The following SPATA2L variants were observed in gnomAD, a reference collection of about 807,000 sequenced individuals.
The protein encoded by SPATA2L is spermatogenesis associated 2 like.
A neutral mutation model predicts 8.7 loss-of-function variants in SPATA2L; 5 were observed. The observed-to-expected ratio is 0.57, with a 90% CI of 0.30 to 1.21. The LOEUF (loss-of-function observed/expected upper bound fraction) is 1.21, where lower values mean the gene tolerates loss of function less well. SPATA2L is among the 50% of genes most tolerant of loss of function. SPATA2L has a pLI of 0.07. For missense variants in SPATA2L, 671 were observed against 591.0 expected (o/e 1.14, Z -1.40); for synonymous variants, 358 against 275.8 (o/e 1.30, Z -2.95).
chr16:89,701,187 G>A lies in SPATA2L; in HGVS notation c.46C>T (p.Arg16Cys), dbSNP rs1273616157. Residue 16 changes from arginine (R) to cysteine (C), a missense_variant, in exon 2 of 3, where the codon CGC becomes TGC. Coordinates refer to ENST00000289805, the MANE Select transcript of SPATA2L (RefSeq NM_152339.4). ...CCCGCGCGGCCCCGTCGCAGCTCGC[G>A]CTCCAGGCACTGGCGGTAGTCCTCG... is the stretch of plus-strand genomic sequence containing the variant. ...LSEDYRQCLE[R>C]ELRRGRAGVC... 5 of 1,481,346 alleles carry A rather than the reference G, an allele frequency of 3.4e-6. No individual in the cohort carries two copies. The highest frequency in any genetic ancestry group is 4.5e-6 in the Non-Finnish European group (5 of 1,118,708). The allele number at this position is 1,481,346 out of a possible 1,614,324, so 91.8% of individuals were successfully genotyped here. A position where few individuals can be genotyped will look rare whatever the true frequency, so the allele number is the denominator to read the frequency against.
intron 2 of SPATA2L, among the ~76,000 whole-genome samples, chr16:89,698,673 G>C (rs762951368): frequency 2.0e-5 from 3 of 151,470 alleles, no homozygotes; most frequent in African/African-American, 7.3e-5. Context: ...TTTTAGTAGA[G>C]ACAGGGTTTC....
chr16:89,700,816 G>T, intron 2 of SPATA2L, 114 bp downstream of exon 2: 7 of 1,183,476 alleles, frequency 5.9e-6, no homozygotes, highest in Non-Finnish European at 6.7e-6. Context: ...AGCCCACCAG[G>T]CACTGAGGAC....
In SPATA2L at chr16:89,700,908, C is replaced by T. The variant is rs760890726; in HGVS notation, c.303+22G>A. The T allele has an allele frequency of 3.5e-6, 5 of 1,420,274 alleles. No individual in the cohort carries two copies. The South Asian group carries it at 7.7e-5, about 22-fold the overall frequency. 88.0% of individuals were successfully genotyped at this position (1,420,274 alleles called of 1,614,324 possible). On this transcript the variant is annotated intron_variant, in intron 2 of 2. Transcript: ENST00000289805. ...CCCGCAGGCCAGGACGAGGGGCGCG[C>T]TCCTCCTGGCCTGGCGCCTACCTTG...
Position 89,696,642 on chromosome 16 carries a change from T to C in SPATA2L, c.*692A>G. On this transcript the variant is annotated 3_prime_UTR_variant, in exon 3 of 3. Coordinates refer to ENST00000289805, the MANE Select transcript of SPATA2L (RefSeq NM_152339.4). ...CCAAGACCCCGCCGCCTGGGCGGGCTGTCCACAGGCCCTTCCGCCCAGCAG... is the reference window on the plus strand; with the variant it reads ...CCAAGACCCCGCCGCCTGGGCGGGCCGTCCACAGGCCCTTCCGCCCAGCAG... 1.3e-6 allele frequency: 1 copy of C among 795,646 alleles called. No homozygotes were observed. Among genetic ancestry groups the C allele is most frequent in the South Asian group, 2.1e-5 (1 of 48,180 alleles). The allele number at this position is 795,646 out of a possible 1,614,324, so 49.3% of individuals were successfully genotyped here.
intron 2 of SPATA2L, 67 bp from the exon 3 acceptor site, chr16:89,698,372 G>T: frequency 6.7e-7 from 1 of 1,486,160 alleles, no homozygotes; most frequent in South Asian, 1.5e-5. Context: ...GGTACAGTGG[G>T]TCCGGGATCT....
In SPATA2L at chr16:89,697,849, G is replaced by C; in HGVS notation, c.760C>G (p.Pro254Ala). 2 of 1,610,228 alleles carry C rather than the reference G, an allele frequency of 1.2e-6. No homozygotes were observed. The highest frequency in any genetic ancestry group is 8.5e-7 in the Non-Finnish European group (1 of 1,179,198). ...GGTGGCCTGTAGGCCAGCTCCGCCG[G>C]GGGCGAGTCAGGGCCTGGTGACGGC... ...GEPSPGPDSPPAELAYRPPLW... is the reference protein window; with the variant it reads ...GEPSPGPDSPAAELAYRPPLW... Residue 254 changes from proline (P) to alanine (A), a missense_variant, in exon 3 of 3, where the codon CCG (proline) becomes GCG (alanine). Physicochemically the swap from Pro to Ala is conservative, Grantham distance 27. Coordinates refer to ENST00000289805, the MANE Select transcript of SPATA2L (RefSeq NM_152339.4).
In SPATA2L at chr16:89,697,817, C is replaced by A; in HGVS notation, c.792G>T (p.Trp264Cys). The A allele has an allele frequency of 6.2e-7, 1 of 1,604,098 alleles. No individual in the cohort carries two copies. The highest frequency in any genetic ancestry group is 8.5e-7 in the Non-Finnish European group (1 of 1,176,446). ...PAELAYRPPL[W>C]EQSAKLWGTG... is the part of the protein sequence containing the mutation. ...TGCCCCACAGTTTGGCACTCTGCTC[C>A]CAGAGTGGTGGCCTGTAGGCCAGCT... The change falls in exon 3 of 3, where the codon TGG becomes TGT. Residue 264 changes from tryptophan to cysteine, a missense_variant. Transcript: ENST00000289805.
rs780528456 is a variant in SPATA2L, at chr16:89,698,041, C to T, written c.568G>A (p.Gly190Arg). ...CAGGCCACACAGGAGGCCACGTCCC[C>T]GCTGGCACGCCGTGCCTGCAGCAGC... Reference protein sequence around the residue: ...EELLQARRASGDVASCVAWLQ... With the variant: ...EELLQARRASRDVASCVAWLQ... Residue 190 changes from glycine (G) to arginine (R), a missense_variant, in exon 3 of 3, where the codon GGG becomes AGG. Physicochemically the swap from Gly to Arg is moderately radical, Grantham distance 125 (BLOSUM62 -2). Transcript: ENST00000289805. The T allele has an allele frequency of 7.5e-6, 12 of 1,597,418 alleles. No individual in the cohort carries two copies. Among genetic ancestry groups the T allele is most frequent in the East Asian group, 6.7e-5 (3 of 44,638 alleles).
At chr16:89,700,736 C>A (rs2060770410) in intron 2 of SPATA2L, among the ~76,000 whole-genome samples, 194 bp downstream of exon 2, 1 of 152,192 alleles carries the variant, frequency 6.6e-6, no homozygotes, top group Non-Finnish European at 1.5e-5. Context: ...CCTCGCCCAC[C>A]CCATGTTCTC....
rs200544857 is a variant in SPATA2L at position 89,697,383 on chromosome 16, C to T, written c.1226G>A (p.Arg409His). The T allele has an allele frequency of 5.0e-6, 8 of 1,586,124 alleles. No homozygotes were observed. Among genetic ancestry groups the T allele is most frequent in the South Asian group, 1.1e-5 (1 of 87,334 alleles). ...GTAGAGCAGAGTGTCCATCTGTGCA[C>T]GCTGTAGCCACAAGCGCCGCTGGGC... ...GDAQRRLWLQ[R>H]AQMDTLLYNS... Residue 409 changes from arginine (R) to histidine (H), a missense_variant, in exon 3 of 3, where the codon CGT becomes CAT. Arg to His is a conservative substitution (Grantham distance 29, BLOSUM62 0). Transcript: ENST00000289805.
At chr16:89,699,565 T>G (rs1296063244) in intron 2 of SPATA2L, among the ~76,000 whole-genome samples, 2 of 151,742 alleles carry the variant, frequency 1.3e-5, no homozygotes, top group East Asian at 3.9e-4. Context: ...TTTTTTTTTT[T>G]TTTTGAGACG....
chr16:89,697,540 C>G lies in SPATA2L; in HGVS notation c.1069G>C (p.Ala357Pro). The G allele has an allele frequency of 1.3e-6, 2 of 1,591,726 alleles. No individual in the cohort carries two copies. Among genetic ancestry groups the G allele is most frequent in the Non-Finnish European group, 1.7e-6 (2 of 1,169,868 alleles). The change falls in exon 3 of 3, where the codon GCA (alanine) becomes CCA (proline). Residue 357 changes from alanine (A) to proline (P), a missense_variant. Ala to Pro is a conservative substitution (Grantham distance 27). Transcript: ENST00000289805. ...GCGCCAGGGGACAGGCAGCTGTGTG[C>G]CTGGTAGCCTGGGGGCTCCGAGACA... Reference protein sequence around the residue: ...RSVSEPPGYQAHSCLSPGALP... With the variant: ...RSVSEPPGYQPHSCLSPGALP...
chr16:89,700,932 T>G lies in SPATA2L; in HGVS notation c.301A>C (p.Lys101Gln), dbSNP rs1214087427. 5.5e-6 allele frequency: 8 copies of G among 1,466,656 alleles called. No homozygotes were observed. Among genetic ancestry groups the G allele is most frequent in the Non-Finnish European group, 7.2e-6 (8 of 1,105,456 alleles). The allele number at this position is 1,466,656 out of a possible 1,614,324, so 90.9% of individuals were successfully genotyped here. A position where few individuals can be genotyped will look rare whatever the true frequency, so the allele number is the denominator to read the frequency against. ...GCTCCTCCTGGCCTGGCGCCTACCT[T>G]GATGGTGGTGAACTCCTTCCTCCAG... Reference protein sequence around the residue: ...LPWRKEFTTIKTFSGGYVHVL... With the variant: ...LPWRKEFTTIQTFSGGYVHVL... Residue 101 changes from lysine (K) to glutamine (Q), a missense_variant and splice_region_variant, in exon 2 of 3, where the codon AAG becomes CAG. By Grantham distance (53) the Lys-to-Gln change is moderately conservative. Transcript: ENST00000289805.
intron 2 of SPATA2L, among the ~76,000 whole-genome samples, chr16:89,699,553 CTTT>C (rs374276446): frequency 0.11 from 15,916 of 142,040 alleles, 1,078 homozygotes; most frequent in African/African-American, 0.2. Context: ...GGTGAGTGCT[CTTT>C]TTTTTTTTTT....
intron 2 of SPATA2L, among the ~76,000 whole-genome samples, chr16:89,700,093 G>A (rs1259638112): frequency 1.3e-5 from 2 of 152,250 alleles, no homozygotes; most frequent in East Asian, 3.8e-4. Context: ...GGGGCTGACA[G>A]AGATTAGCTA....
At chr16:89,701,459 G>A (rs954743222) in intron 1 of SPATA2L, 169 bp downstream of exon 1, 7 of 427,048 alleles carry the variant, frequency 1.6e-5, no homozygotes, top group African/African-American at 1.5e-4. Context: ...GAGCGCCCCC[G>A]CACCTCCAGC....
Position 89,697,167 on chromosome 16 carries a change from TAC to T in SPATA2L, c.*165_*166del. 7.2e-7 allele frequency: 1 copy of T among 1,381,086 alleles called. No homozygotes were observed. Among genetic ancestry groups the T allele is most frequent in the Middle Eastern group, 2.7e-4 (1 of 3,726 alleles). 85.6% of individuals were successfully genotyped at this position (1,381,086 alleles called of 1,614,324 possible). ...CCTGCTGCCCTTGGAGCCTTCCATA[TAC>T]AGAGAGTCCCACCTCCAGCAAGGGT... On this transcript the variant is annotated 3_prime_UTR_variant, in exon 3 of 3. Coordinates refer to ENST00000289805, the MANE Select transcript of SPATA2L (RefSeq NM_152339.4).
intron 1 of SPATA2L, 53 bp downstream of exon 1, chr16:89,701,575 G>A (rs1046154294): frequency 2.9e-5 from 8 of 273,068 alleles, no homozygotes. Context: ...CTCCCGACCA[G>A]AGCCCCTTCG....
Position 89,696,911 on chromosome 16 carries a change from C to T in SPATA2L, c.*423G>A, listed in dbSNP as rs1256710979. 2.0e-6 allele frequency: 3 copies of T among 1,529,996 alleles called. No individual in the cohort carries two copies. The highest frequency in any genetic ancestry group is 2.0e-5 in the Admixed American group (1 of 50,616). 94.8% of individuals were successfully genotyped at this position (1,529,996 alleles called of 1,614,324 possible). ...TGTCACCAACAGGCCCTTGAGGACACTCGTGTGGAGAATCCCTGGGACACG... is the reference window on the plus strand; with the variant it reads ...TGTCACCAACAGGCCCTTGAGGACATTCGTGTGGAGAATCCCTGGGACACG... On this transcript the variant is annotated 3_prime_UTR_variant, in exon 3 of 3. Coordinates refer to ENST00000289805, the MANE Select transcript of SPATA2L (RefSeq NM_152339.4).
Sources: allele counts gnomAD v4.1 joint callset (sites outside exome capture counted in the v4.1 genomes callset), GRCh38; gene constraint gnomAD v4.1.1; transcripts MANE v1.5; gene names NCBI Gene and HGNC (gene_info 2026-07-23, HGNC 2026-07-21).